Variants in SCN1A observed in about 807,000 individuals in gnomAD.
SCN1A encodes sodium channel protein type 1 subunit alpha.
In SCN1A, 13 loss-of-function variants were observed where a neutral mutation model predicts 193.7. The ratio of observed to expected loss-of-function variants is 0.07; its 90% CI spans 0.04 to 0.11. The LOEUF is 0.11. Among genes scored for constraint, SCN1A ranks in the 10% least tolerant of loss-of-function variants. SCN1A has a pLI of 1.00. For missense variants in SCN1A, 1,432 were observed against 2,451.1 expected (o/e 0.58, Z 8.78); for synonymous variants, 781 against 843.6 (o/e 0.93, Z 1.29).
intron 28 of SCN1A, chr2:165,993,508 A>G (rs1689580437): frequency 6.6e-6 from 1 of 152,248 alleles, no homozygotes; most frequent in Non-Finnish European, 1.5e-5. Flanking sequence ...GAAATGAGCT[A>G]TTGCTCATGA....
At chr2:166,062,596 T>C (rs1683423798) in intron 4 of SCN1A, among the ~76,000 whole-genome samples, 1 of 152,100 alleles carries the variant, frequency 6.6e-6, no homozygotes, top group South Asian at 2.1e-4. Flanking sequence ...TTACAACAAA[T>C]ACTTAAGTAG....
At chr2:166,101,282 T>G (rs1410719864) in intron 2 of SCN1A, among the ~76,000 whole-genome samples, 1 of 146,842 alleles carries the variant, frequency 6.8e-6, no homozygotes, top group African/African-American at 2.5e-5. Flanking sequence ...CACCGCATAT[T>G]CTCACTCATA....
chr2:166,029,003 A>G (rs1001244428), intron 19 of SCN1A, among the ~76,000 whole-genome samples: 3 of 152,166 alleles, frequency 2.0e-5, no homozygotes, highest in Non-Finnish European at 4.4e-5. Context: ...GAAGCAGGAT[A>G]GAGTAAGAGA....
At chr2:166,081,692 A>G (rs961557788) in intron 2 of SCN1A, 11 of 151,678 alleles carry the variant, frequency 7.3e-5, no homozygotes, top group African/African-American at 2.7e-4. Flanking sequence ...ATGTCTTGAG[A>G]TTTTTTGGTT....
At chr2:166,063,243 G>T (rs191221406) in intron 4 of SCN1A, among the ~76,000 whole-genome samples, 1 of 152,022 alleles carries the variant, frequency 6.6e-6, no homozygotes, top group Non-Finnish European at 1.5e-5. Flanking sequence ...TTGAAGCATG[G>T]CATTGTAACT....
rs1470134708 is a variant in SCN1A at position 165,986,510 on chromosome 2, G to T, written c.*4735C>A. 3 of 152,034 alleles carry T rather than the reference G, an allele frequency of 2.0e-5. No homozygotes were observed. The highest frequency in any genetic ancestry group is 7.2e-5 in the African/African-American group (3 of 41,422). 9.4% of individuals were successfully genotyped at this position (152,034 alleles called of 1,614,324 possible). A position where few individuals can be genotyped will look rare whatever the true frequency, so the allele number is the denominator to read the frequency against. ...GTGATTATTATGAAGAACAAGGAAT[G>T]TAATCATTTCTGTGACTTTTCAGGA... On this transcript the variant is annotated 3_prime_UTR_variant, in exon 29 of 29. Transcript: ENST00000674923.
upstream of SCN1A, among the ~76,000 whole-genome samples, chr2:166,131,858 C>T (rs1156514548): frequency 1.3e-5 from 2 of 152,172 alleles, no homozygotes; most frequent in Admixed American, 1.3e-4. Context: ...GGAAACCATT[C>T]TTAATTTTTA....
chr2:166,109,346 C>T (rs1318362009), intron 2 of SCN1A: 1 of 152,096 alleles, frequency 6.6e-6, no homozygotes, highest in African/African-American at 2.4e-5. Context: ...GAAGCTTAAA[C>T]ATAGTATGCA....
At chr2:166,140,981 A>G (rs1692056760) in intron 1 of SCN1A, among the ~76,000 whole-genome samples, 1 of 152,124 alleles carries the variant, frequency 6.6e-6, no homozygotes, top group South Asian at 2.1e-4. Flanking sequence ...AGTGCATTTT[A>G]ACAAGATTTC....
At chr2:166,056,287 T>C in intron 6 of SCN1A, 124 bp downstream of exon 6, 1 of 687,710 alleles carries the variant, frequency 1.5e-6, no homozygotes, top group South Asian at 1.7e-5. Context: ...GTCCTCTTGC[T>C]GCGTAATTTT....
intron 4 of SCN1A, 21 bp downstream of exon 4, chr2:166,073,337 T>C (rs757604283): frequency 1.9e-6 from 3 of 1,612,840 alleles, no homozygotes; most frequent in Non-Finnish European, 2.5e-6. Flanking sequence ...CAGCAAAATA[T>C]GCCTGATAAA....
chr2:166,008,123 C>A (rs1691902088), intron 23 of SCN1A, among the ~76,000 whole-genome samples: 1 of 150,934 alleles, frequency 6.6e-6, no homozygotes, highest in Non-Finnish European at 1.5e-5. Context: ...GTCTAAAACT[C>A]CAAGTTTCAA....
rs1023856327 is a variant in SCN1A at position 166,054,328 on chromosome 2, T to C, written c.602+310A>G. On this transcript the variant is annotated intron_variant, in intron 7 of 28. Coordinates refer to ENST00000674923, the MANE Select transcript of SCN1A (RefSeq NM_001165963.4). ...TTCACAGATGTATTACAAATATGCT[T>C]GTGTTTTGACATTAGATTGTGTGTG... 3.3e-5 allele frequency among the ~76,000 whole-genome samples: 5 copies of C among 150,060 alleles called. No individual in the cohort carries two copies. In the South Asian group the frequency reaches 1.1e-3, roughly 32 times the overall value.
intron 7 of SCN1A, 33 bp downstream of exon 7, chr2:166,054,605 G>T (rs1698933557): frequency 6.2e-7 from 1 of 1,609,570 alleles, no homozygotes. Flanking sequence ...ACCAAACTAT[G>T]TTCTCTCTTA....
Position 166,126,984 on chromosome 2 carries a change from C to G in SCN1A, c.-202G>C, listed in dbSNP as rs1691320241. ...AAAGACATTTGGACAAGCCTCACCT[C>G]CACTCAGAAATAATTCTTATGCTGT... On this transcript the variant is annotated 5_prime_UTR_variant, in exon 2 of 29. Transcript: ENST00000674923. 1 of 152,264 alleles carries G rather than the reference C, an allele frequency of 6.6e-6. No homozygotes were observed. Among genetic ancestry groups the G allele is most frequent in the African/African-American group, 2.4e-5 (1 of 41,446 alleles). 9.4% of individuals were successfully genotyped at this position (152,264 alleles called of 1,614,324 possible). A position where few individuals can be genotyped will look rare whatever the true frequency, so the allele number is the denominator to read the frequency against.
intron 18 of SCN1A, 138 bp downstream of exon 18, chr2:166,037,638 C>A: frequency 1.3e-6 from 1 of 788,878 alleles, no homozygotes; most frequent in South Asian, 1.7e-5. Context: ...ACAAAACAGT[C>A]ACCATTAAAT....
At chr2:166,114,834 ATAGGAATC>A (rs1449236317) in intron 2 of SCN1A, among the ~76,000 whole-genome samples, 21 of 152,176 alleles carry the variant, frequency 1.4e-4, no homozygotes, top group Non-Finnish European at 2.9e-5. Context: ...TGAAAACACC[ATAGGAATC>A]CCATTATTCA....
chr2:166,092,519 A>G (rs547991438), intron 2 of SCN1A: 30 of 152,316 alleles, frequency 2.0e-4, no homozygotes, highest in African/African-American at 7.0e-4. Context: ...AACAGGTCAT[A>G]TCTTTTGGGT....
At chr2:166,143,028 G>C (rs10201501) in intron 1 of SCN1A, among the ~76,000 whole-genome samples, 122,750 of 152,094 alleles carry the variant, frequency 0.81, 50,139 homozygotes, top group African/African-American at 0.94. Flanking sequence ...ACCCAATCTT[G>C]GGTATGTCTT....
Sources: allele counts gnomAD v4.1 joint callset (sites outside exome capture counted in the v4.1 genomes callset), GRCh38; gene constraint gnomAD v4.1.1; transcripts MANE v1.5; gene names NCBI Gene and HGNC (gene_info 2026-07-23, HGNC 2026-07-21).